IMMP2L: variants seen among roughly 807,000 people sequenced by gnomAD.
The protein encoded by IMMP2L is inner mitochondrial membrane peptidase subunit 2.
Under a neutral mutation model 19.3 loss-of-function variants are expected in IMMP2L, and 18 were observed. The ratio of observed to expected loss-of-function variants is 0.93; its 90% CI spans 0.64 to 1.38. The LOEUF (loss-of-function observed/expected upper bound fraction) is 1.38, where lower values mean the gene tolerates loss of function less well. Ranked by LOEUF, IMMP2L falls within the 40% of genes most tolerant of loss-of-function variation. The pLI is 0.00. For synonymous variants in IMMP2L, 76 were observed against 73.0 expected (o/e 1.04, Z -0.21); for missense variants, 233 against 218.2 (o/e 1.07, Z -0.43).
chr7:110,739,574 T>A (rs748115022), intron 5 of IMMP2L, among the ~76,000 whole-genome samples: 5 of 152,242 alleles, frequency 3.3e-5, no homozygotes, highest in Admixed American at 6.5e-5. Context: ...CAATTACTAC[T>A]AGACCTAGAA....
At position 110,877,463 on chromosome 7, in the gene IMMP2L, A is replaced by C. The variant is rs1293947623; in HGVS notation, c.408+9130T>G. On this transcript the variant is annotated intron_variant, in intron 5 of 5. Coordinates refer to ENST00000405709, the MANE Select transcript of IMMP2L (RefSeq NM_032549.4). The surrounding 1 kb of genome is among the most constrained non-coding windows in gnomAD (Gnocchi z 4.0). Reference sequence around the variant, plus strand: ...AGTCATTGTCCAGATTAAGGTGGGCAGGCACAAGATAATGAAAGGGAGAAA... The same window carrying C: ...AGTCATTGTCCAGATTAAGGTGGGCCGGCACAAGATAATGAAAGGGAGAAA... Among the ~76,000 whole-genome samples, 1 of 152,172 alleles carries C rather than the reference A, an allele frequency of 6.6e-6. No homozygotes were observed. The highest frequency in any genetic ancestry group is 1.5e-5 in the Non-Finnish European group (1 of 68,030).
chr7:111,187,477 C>G (rs967173158), intron 3 of IMMP2L, among the ~76,000 whole-genome samples: 2 of 152,126 alleles, frequency 1.3e-5, no homozygotes, highest in Non-Finnish European at 2.9e-5. Flanking sequence ...ATATTTCAAA[C>G]ATAGTATTGT....
At chr7:110,770,784 G>A (rs574026704) in intron 5 of IMMP2L, among the ~76,000 whole-genome samples, 10 of 152,244 alleles carry the variant, frequency 6.6e-5, no homozygotes, top group Admixed American at 2.6e-4. Flanking sequence ...CGGATATAGC[G>A]CTCCTGGGAC....
At position 111,473,695 on chromosome 7, in the gene IMMP2L, C is replaced by T. The variant is rs114340927; in HGVS notation, c.239+13543G>A. On this transcript the variant is annotated intron_variant, in intron 3 of 5. Transcript: ENST00000405709. ...CTGTGGTAGATTCAATATCAATATT[C>T]TAGAGAATATTTGCAATAAGCAGCA... Among the ~76,000 whole-genome samples, 676 of 152,228 alleles carry T rather than the reference C, an allele frequency of 4.4e-3. 11 individuals carry two copies. Among genetic ancestry groups the T allele is most frequent in the African/African-American group, 0.016 (652 of 41,528 alleles).
chr7:111,004,317 G>A (rs182872962), intron 3 of IMMP2L, among the ~76,000 whole-genome samples: 141 of 152,084 alleles, frequency 9.3e-4, no homozygotes, highest in South Asian at 3.5e-3. Flanking sequence ...GTACCATCAC[G>A]CCTGGCTAAT....
At chr7:111,074,912 T>C (rs1047493690) in intron 3 of IMMP2L, among the ~76,000 whole-genome samples, 1 of 152,100 alleles carries the variant, frequency 6.6e-6, no homozygotes, top group African/African-American at 2.4e-5. Context: ...CAAAGAAATT[T>C]GAGAGACTTT....
intron 1 of IMMP2L, among the ~76,000 whole-genome samples, chr7:111,531,120 T>C (rs1847353585): frequency 6.6e-6 from 1 of 151,566 alleles, no homozygotes. Flanking sequence ...CCCGGCTAAT[T>C]TTGTTTTGGT....
In IMMP2L at chr7:110,983,103, T is replaced by A. The variant is rs182871877; in HGVS notation, c.240-19538A>T. On this transcript the variant is annotated intron_variant, in intron 3 of 5. Transcript: ENST00000405709. ...TCCTGAAATGAAAACATTGGATGGATTCCATGTAAATAATTTTTACAAACA... is the reference window on the plus strand; with the variant it reads ...TCCTGAAATGAAAACATTGGATGGAATCCATGTAAATAATTTTTACAAACA... Among the ~76,000 whole-genome samples the A allele has an allele frequency of 2.0e-4, 30 of 152,170 alleles. 1 individual carries two copies. The South Asian group carries it at 2.5e-3, about 13-fold the overall frequency.
At chr7:111,394,583 T>A (rs1395012653) in intron 3 of IMMP2L, among the ~76,000 whole-genome samples, 1 of 152,114 alleles carries the variant, frequency 6.6e-6, no homozygotes, top group East Asian at 1.9e-4. Context: ...CTAAATGACT[T>A]AGCTCAGAGT....
At position 111,123,756 on chromosome 7, in the gene IMMP2L, T is replaced by A; in HGVS notation, c.240-160191A>T. 1 of 1,613,916 alleles carries A rather than the reference T, an allele frequency of 6.2e-7. No homozygotes were observed. The highest frequency in any genetic ancestry group is 8.5e-7 in the Non-Finnish European group (1 of 1,179,944). The stretch of plus-strand genomic sequence containing the variant: ...CTAGATTGTCTTACATTCACCCCAA[T>A]GCATTTTTCAGACTCCCCAAGCTGG... On this transcript the variant is annotated intron_variant, in intron 3 of 5. Transcript: ENST00000405709. This position sits in a 1 kb window ranked among gnomAD's most constrained non-coding sequence, Gnocchi z 6.4.
At chr7:111,316,192 G>A (rs1336741351) in intron 3 of IMMP2L, among the ~76,000 whole-genome samples, 1 of 152,112 alleles carries the variant, frequency 6.6e-6, no homozygotes, top group Non-Finnish European at 1.5e-5. Context: ...TTATGCAGTG[G>A]CACATGGCTG....
At chr7:111,236,935 T>G (rs761802874) in intron 3 of IMMP2L, among the ~76,000 whole-genome samples, 1 of 152,160 alleles carries the variant, frequency 6.6e-6, no homozygotes, top group Non-Finnish European at 1.5e-5. Context: ...TTGTTTCTGG[T>G]AGGAAGGCAA....
chr7:111,500,073 G>C (rs1844027312), intron 2 of IMMP2L, among the ~76,000 whole-genome samples: 1 of 152,108 alleles, frequency 6.6e-6, no homozygotes, highest in Non-Finnish European at 1.5e-5. Context: ...AGAGGTGACA[G>C]ATGGCACCTG....
intron 3 of IMMP2L, among the ~76,000 whole-genome samples, chr7:111,480,968 T>C (rs1188779574): frequency 2.0e-5 from 3 of 152,130 alleles, no homozygotes; most frequent in African/African-American, 7.2e-5. Flanking sequence ...AAAGCATCTT[T>C]CGTTTTTCTT....
chr7:111,232,969 C>A (rs1813878933), intron 3 of IMMP2L, among the ~76,000 whole-genome samples: 1 of 152,068 alleles, frequency 6.6e-6, no homozygotes, highest in African/African-American at 2.4e-5. Flanking sequence ...ACTCCCAATG[C>A]ATCTTGCTTC....
intron 5 of IMMP2L, among the ~76,000 whole-genome samples, chr7:110,799,296 C>A (rs1199845737): frequency 6.6e-6 from 1 of 151,836 alleles, no homozygotes; most frequent in Non-Finnish European, 1.5e-5. Flanking sequence ...GGTGCTAAAA[C>A]CAGTTTTTGA....
At chr7:111,352,360 CAACT>C (rs1208597243) in intron 3 of IMMP2L, among the ~76,000 whole-genome samples, 2 of 146,622 alleles carry the variant, frequency 1.4e-5, no homozygotes, top group South Asian at 2.2e-4. Flanking sequence ...CCACCATGCA[CAACT>C]AACTTTTTTT....
At chr7:111,487,115 T>C in intron 3 of IMMP2L, 123 bp downstream of exon 3, 1 of 471,378 alleles carries the variant, frequency 2.1e-6, no homozygotes, top group Non-Finnish European at 3.7e-6. Context: ...TAAAAATGCA[T>C]TGTATTTAAC....
At chr7:111,407,235 G>A (rs1269051396) in intron 3 of IMMP2L, among the ~76,000 whole-genome samples, 3 of 151,908 alleles carry the variant, frequency 2.0e-5, no homozygotes, top group African/African-American at 4.8e-5. Flanking sequence ...CAGCAGCTCC[G>A]GAAAACAGGT....
Sources: allele counts gnomAD v4.1 joint callset (sites outside exome capture counted in the v4.1 genomes callset), GRCh38; gene constraint gnomAD v4.1.1; non-coding constraint Gnocchi (gnomAD v3.1); transcripts MANE v1.5; gene names NCBI Gene and HGNC (gene_info 2026-07-23, HGNC 2026-07-21).